CDH13: variants seen among roughly 807,000 people sequenced by gnomAD.
CDH13 encodes the protein cadherin 13.
CDH13 carries 24 observed loss-of-function variants against 63.8 expected under a neutral mutation model. The ratio of observed to expected loss-of-function variants is 0.38; its 90% CI spans 0.27 to 0.53. The LOEUF is 0.53. Among genes scored for constraint, CDH13 ranks in the 20% least tolerant of loss-of-function variants. CDH13 has a pLI of 0.85. For missense variants in CDH13, 1,049 were observed against 903.1 expected, an observed-to-expected ratio of 1.16 and a Z score of -2.07; for synonymous variants, 503 against 355.3, an observed-to-expected ratio of 1.42 and a Z score of -4.67.
intron 7 of CDH13, among the ~76,000 whole-genome samples, chr16:83,534,016 A>G (rs1000319806): frequency 3.3e-5 from 5 of 152,198 alleles, no homozygotes; most frequent in Non-Finnish European, 7.3e-5. Flanking sequence ...TTTAAAGTGA[A>G]CAATTCAGTG....
At chr16:83,656,085 C>A (rs748896758) in intron 8 of CDH13, among the ~76,000 whole-genome samples, 1 of 152,284 alleles carries the variant, frequency 6.6e-6, no homozygotes, top group East Asian at 1.9e-4. Context: ...GGTCATTCTC[C>A]ATTCCCACCC....
At chr16:83,557,167 T>C (rs1204547948) in intron 7 of CDH13, among the ~76,000 whole-genome samples, 1 of 152,168 alleles carries the variant, frequency 6.6e-6, no homozygotes, top group African/African-American at 2.4e-5. Context: ...GTGAGGGATC[T>C]AGGTTGTACG....
intron 11 of CDH13, among the ~76,000 whole-genome samples, chr16:83,751,459 A>C (rs1451953600): frequency 1.3e-5 from 2 of 152,016 alleles, no homozygotes; most frequent in Non-Finnish European, 2.9e-5. Flanking sequence ...TCCCCTCCAC[A>C]AAAAAGAAAG....
intron 2 of CDH13, among the ~76,000 whole-genome samples, chr16:82,982,071 T>G (rs751459263): frequency 7.2e-5 from 11 of 152,176 alleles, no homozygotes; most frequent in Non-Finnish European, 1.2e-4. Context: ...ACTTCTAGTT[T>G]TAGCACTTAT....
At chr16:82,688,072 T>G (rs1276244900) in intron 1 of CDH13, among the ~76,000 whole-genome samples, 1 of 152,170 alleles carries the variant, frequency 6.6e-6, no homozygotes, top group East Asian at 1.9e-4. Flanking sequence ...CAACAGTGTT[T>G]GTGATTTTAC....
At chr16:83,033,935 C>T (rs552591538) in intron 3 of CDH13, among the ~76,000 whole-genome samples, 4 of 152,170 alleles carry the variant, frequency 2.6e-5, no homozygotes, top group East Asian at 3.9e-4. Flanking sequence ...CCCTTTTCTC[C>T]ACCTGCCATA....
At position 83,006,932 on chromosome 16, in the gene CDH13, GT is replaced by G. The variant is rs369288331; in HGVS notation, c.158-25070del. Among the ~76,000 whole-genome samples, 119 of 121,760 alleles carry G rather than the reference GT, an allele frequency of 9.8e-4. 5 individuals carry two copies. Among genetic ancestry groups the G allele is most frequent in the Middle Eastern group, 9.4e-3 (2 of 212 alleles). The allele number at this position is 121,760 out of a possible 152,430, so 79.9% of individuals were successfully genotyped here. On this transcript the variant is annotated intron_variant, in intron 2 of 13. Transcript: ENST00000567109. ...TGTTTGTTTGTTTGTTTGTTTGTTT[GT>G]TTTTTTTGAGACAGAGTTTCACTCT...
At chr16:83,306,375 G>T (rs998594404) in intron 5 of CDH13, among the ~76,000 whole-genome samples, 1 of 152,134 alleles carries the variant, frequency 6.6e-6, no homozygotes, top group African/African-American at 2.4e-5. Flanking sequence ...CACAAATGCT[G>T]TTCTGGAGTT....
chr16:83,600,241 C>T (rs945569382), intron 7 of CDH13, among the ~76,000 whole-genome samples: 1 of 152,172 alleles, frequency 6.6e-6, no homozygotes, highest in Non-Finnish European at 1.5e-5. Context: ...TTGTACTCAG[C>T]AGTCAGAGAA....
intron 5 of CDH13, among the ~76,000 whole-genome samples, chr16:83,340,678 G>A (rs553031374): frequency 6.4e-4 from 98 of 152,330 alleles, no homozygotes; most frequent in Middle Eastern, 3.4e-3. Flanking sequence ...GCTCCTGGGG[G>A]ATGCCAATGC....
intron 2 of CDH13, among the ~76,000 whole-genome samples, chr16:82,933,431 C>T (rs891450655): frequency 1.3e-5 from 2 of 152,124 alleles, no homozygotes; most frequent in African/African-American, 4.8e-5. Flanking sequence ...TCCCCCAACA[C>T]GTGGGGATTA....
At chr16:83,646,580 T>C (rs1251127913) in intron 8 of CDH13, among the ~76,000 whole-genome samples, 1 of 151,382 alleles carries the variant, frequency 6.6e-6, no homozygotes, top group Non-Finnish European at 1.5e-5. Context: ...CGCATCCCTG[T>C]AGTCCCAGCT....
intron 4 of CDH13, among the ~76,000 whole-genome samples, chr16:83,204,091 G>A (rs2039111819): frequency 6.6e-6 from 1 of 152,166 alleles, no homozygotes; most frequent in African/African-American, 2.4e-5. Flanking sequence ...GAATGTTCCT[G>A]GGCCATGAAT....
intron 1 of CDH13, among the ~76,000 whole-genome samples, chr16:82,649,251 T>A (rs1264159750): frequency 1.3e-5 from 2 of 152,126 alleles, no homozygotes; most frequent in African/African-American, 4.8e-5. Context: ...AAACTCAGAT[T>A]ATTGTGAAAT....
chr16:82,878,760 G>T (rs2040592790), intron 2 of CDH13, among the ~76,000 whole-genome samples: 1 of 151,778 alleles, frequency 6.6e-6, no homozygotes, highest in Admixed American at 6.6e-5. Flanking sequence ...TTCAGATATT[G>T]CCATCTTTTC....
intron 3 of CDH13, among the ~76,000 whole-genome samples, chr16:83,085,877 G>C (rs554033593): frequency 6.6e-6 from 1 of 152,178 alleles, no homozygotes; most frequent in East Asian, 1.9e-4. Flanking sequence ...AGTAAACAAA[G>C]AACCCTTAAT....
At chr16:83,098,136 A>G (rs1230888834) in intron 3 of CDH13, among the ~76,000 whole-genome samples, 1 of 152,234 alleles carries the variant, frequency 6.6e-6, no homozygotes, top group Non-Finnish European at 1.5e-5. Flanking sequence ...ACCAAACAGA[A>G]AAGTGTAGCC....
chr16:82,768,659 G>A (rs2035151064), intron 1 of CDH13, among the ~76,000 whole-genome samples: 1 of 152,244 alleles, frequency 6.6e-6, no homozygotes, highest in East Asian at 1.9e-4. Context: ...GGAGAGCTGG[G>A]CTTCAGGATC....
intron 1 of CDH13, among the ~76,000 whole-genome samples, chr16:82,717,328 C>T (rs575620284): frequency 2.6e-5 from 4 of 151,620 alleles, no homozygotes; most frequent in Non-Finnish European, 5.9e-5. Flanking sequence ...CCTAGCTACT[C>T]CAGAGGCTGA....
Sources: gnomAD v4.1 joint callset for allele counts (sites outside exome capture counted in the v4.1 genomes callset) on GRCh38, gnomAD v4.1.1 for gene constraint, MANE v1.5 for transcripts, NCBI Gene and HGNC (gene_info 2026-07-23, HGNC 2026-07-21) for gene names.